OPCML: variants seen among roughly 807,000 people sequenced by gnomAD.
OPCML encodes opioid-binding protein/cell adhesion molecule.
Under a neutral mutation model 37.8 loss-of-function variants are expected in OPCML, and 13 were observed. The observed-to-expected ratio is 0.34, with a 90% CI of 0.22 to 0.55. OPCML has a LOEUF of 0.55. OPCML is among the 20% of genes least tolerant of loss of function. The probability of loss-of-function intolerance (pLI) is 0.91; values close to 1 mark genes in which losing one functional copy is unlikely to be tolerated. For missense variants in OPCML, 341 were observed against 435.6 expected (o/e 0.78, Z 1.93); for synonymous variants, 176 against 168.8 (o/e 1.04, Z -0.33).
intron 2 of OPCML, among the ~76,000 whole-genome samples, chr11:132,786,343 C>T (rs1410211105): frequency 6.6e-6 from 1 of 151,972 alleles, no homozygotes; most frequent in African/African-American, 2.4e-5. Context: ...AAATTGCACA[C>T]AATAGTACAC....
chr11:132,595,809 G>A (rs773338107), intron 3 of OPCML, among the ~76,000 whole-genome samples: 10 of 152,152 alleles, frequency 6.6e-5, no homozygotes, highest in Admixed American at 6.5e-4. Context: ...TGCTTTCTTG[G>A]GCTATGTCAA....
At chr11:133,473,691 C>A (rs949563690) in intron 1 of OPCML, among the ~76,000 whole-genome samples, 9 of 152,308 alleles carry the variant, frequency 5.9e-5, no homozygotes, top group African/African-American at 2.2e-4. Flanking sequence ...CACATCTGGG[C>A]CCCTGCCTAT....
At chr11:133,364,066 C>T (rs1039919881) in intron 1 of OPCML, among the ~76,000 whole-genome samples, 1 of 152,146 alleles carries the variant, frequency 6.6e-6, no homozygotes, top group Non-Finnish European at 1.5e-5. Context: ...GGTTATCATG[C>T]GGTAAGTCCC....
At chr11:132,807,451 G>A (rs868550587) in intron 2 of OPCML, among the ~76,000 whole-genome samples, 2 of 152,118 alleles carry the variant, frequency 1.3e-5, no homozygotes, top group South Asian at 2.1e-4. Context: ...CTTGAGAAAT[G>A]CATTCTATAA....
chr11:133,092,269 G>C (rs1948918480), intron 1 of OPCML, among the ~76,000 whole-genome samples: 1 of 152,176 alleles, frequency 6.6e-6, no homozygotes, highest in Admixed American at 6.5e-5. Flanking sequence ...AATGTCTGTT[G>C]TTTATAAATT....
At chr11:133,354,283 ATGGTGG>A (rs1565588730) in intron 1 of OPCML, among the ~76,000 whole-genome samples, 408 of 13,674 alleles carry the variant, frequency 0.03, no homozygotes, top group African/African-American at 0.042. Flanking sequence ...GGTGATAGTG[ATGGTGG>A]TGCTGGTGGT....
At chr11:132,707,143 T>C (rs558973744) in intron 2 of OPCML, among the ~76,000 whole-genome samples, 2 of 151,676 alleles carry the variant, frequency 1.3e-5, no homozygotes, top group East Asian at 3.9e-4. Context: ...ATCAAGGGGG[T>C]TTTGAGGAAG....
At chr11:132,689,301 T>A (rs1357843733) in intron 2 of OPCML, among the ~76,000 whole-genome samples, 1 of 152,250 alleles carries the variant, frequency 6.6e-6, no homozygotes, top group Non-Finnish European at 1.5e-5. Flanking sequence ...CTTTGTTTTC[T>A]CATTGATTTA....
intron 1 of OPCML, among the ~76,000 whole-genome samples, chr11:133,180,728 A>C (rs1449535372): frequency 6.6e-6 from 1 of 151,592 alleles, no homozygotes; most frequent in Non-Finnish European, 1.5e-5. Flanking sequence ...GCTCGCCCTC[A>C]TTAAGGCTGT....
chr11:133,514,116 G>T (rs1384603245), intron 1 of OPCML, among the ~76,000 whole-genome samples: 2 of 152,170 alleles, frequency 1.3e-5, no homozygotes, highest in Admixed American at 1.3e-4. Flanking sequence ...CCAAAACTGT[G>T]GCAATGGTTC....
rs149062022 is a variant in OPCML, at chr11:132,774,249, C to T, written c.147-116930G>A. 5.9e-3 allele frequency among the ~76,000 whole-genome samples: 905 copies of T among 152,352 alleles called. 1 individual carries two copies. The highest frequency in any genetic ancestry group is 0.017 in the Middle Eastern group (5 of 294). On this transcript the variant is annotated intron_variant, in intron 2 of 7. Coordinates refer to ENST00000524381, the MANE Select transcript of OPCML (RefSeq NM_001012393.5). ...TTCAAAACACGCAGCCTGGTCTACC[C>T]TGCCCTGCTGTTCTCATCCACACAC...
At chr11:133,067,547 G>A (rs761464188) in intron 1 of OPCML, 3 of 152,190 alleles carry the variant, frequency 2.0e-5, no homozygotes, top group Non-Finnish European at 4.4e-5. Context: ...ACCATAGGCT[G>A]AAGGGAACTT....
chr11:132,827,923 G>C (rs757371928), intron 2 of OPCML, among the ~76,000 whole-genome samples: 1 of 151,934 alleles, frequency 6.6e-6, no homozygotes, highest in Non-Finnish European at 1.5e-5. Context: ...GAGCCACCGC[G>C]CCTGGCCCCT....
chr11:133,062,390 C>CCT (rs1356357714), intron 1 of OPCML, among the ~76,000 whole-genome samples: 1 of 152,358 alleles, frequency 6.6e-6, no homozygotes, highest in East Asian at 1.9e-4. Flanking sequence ...CGAGCCTTTT[C>CCT]TGTTCAATTC....
rs1677743494 is a variant in OPCML, at chr11:133,370,022, A to G, written c.61+162242T>C. 2.6e-5 allele frequency among the ~76,000 whole-genome samples: 4 copies of G among 152,190 alleles called. No individual in the cohort carries two copies. In the South Asian group the frequency reaches 8.3e-4, roughly 31 times the overall value. ...GCATAGCCTGAAGATAAATTTATAC[A>G]ATATTATAAATGATTTTGCACATGA... is the stretch of plus-strand genomic sequence containing the variant. On this transcript the variant is annotated intron_variant, in intron 1 of 7. Coordinates refer to ENST00000524381, the MANE Select transcript of OPCML (RefSeq NM_001012393.5).
intron 1 of OPCML, among the ~76,000 whole-genome samples, chr11:133,247,010 C>T (rs746768323): frequency 2.6e-5 from 4 of 151,944 alleles, no homozygotes; most frequent in Admixed American, 6.6e-5. Flanking sequence ...TAAGAAGAGA[C>T]TAGAATGAAA....
intron 3 of OPCML, among the ~76,000 whole-genome samples, chr11:132,553,102 C>A (rs577694846): frequency 1.3e-5 from 2 of 152,266 alleles, no homozygotes; most frequent in South Asian, 4.1e-4. Flanking sequence ...CTGTGCTTTC[C>A]GCTATTGATG....
intron 1 of OPCML, among the ~76,000 whole-genome samples, chr11:133,371,361 A>G (rs1247386708): frequency 1.3e-5 from 2 of 152,250 alleles, no homozygotes; most frequent in Non-Finnish European, 1.5e-5. Context: ...CTGCACTTGC[A>G]TGTTTATTGC....
intron 2 of OPCML, among the ~76,000 whole-genome samples, chr11:132,787,143 G>T (rs893919683): frequency 2.6e-5 from 4 of 152,156 alleles, no homozygotes; most frequent in Admixed American, 2.6e-4. Context: ...GAGAACCAGT[G>T]ATCTGGACTA....
Sources: gnomAD v4.1 joint callset for allele counts (sites outside exome capture counted in the v4.1 genomes callset) on GRCh38, gnomAD v4.1.1 for gene constraint, MANE v1.5 for transcripts, NCBI Gene and HGNC (gene_info 2026-07-23, HGNC 2026-07-21) for gene names.